Variants in FRY observed in about 807,000 individuals in gnomAD.
FRY encodes the protein protein furry homolog.
A neutral mutation model predicts 348.4 loss-of-function variants in FRY; 128 were observed. That is an observed-to-expected ratio of 0.37 (90% CI 0.32 to 0.43). The LOEUF is 0.43. Among genes scored for constraint, FRY ranks in the 20% least tolerant of loss-of-function variants. FRY has a pLI of 1.00. For synonymous variants in FRY, 1,370 were observed against 1,374.7 expected (o/e 1.00, Z 0.08); for missense variants, 2,736 against 3,695.2 (o/e 0.74, Z 6.73).
At chr13:32,062,603 A>G (rs1034726159) in intron 1 of FRY, among the ~76,000 whole-genome samples, 9 of 152,210 alleles carry the variant, frequency 5.9e-5, no homozygotes, top group Non-Finnish European at 1.3e-4. Context: ...GTACATTTCC[A>G]TAACTAAGAA....
intron 2 of FRY, among the ~76,000 whole-genome samples, chr13:32,100,690 T>C (rs886979267): frequency 6.6e-6 from 1 of 152,212 alleles, no homozygotes; most frequent in Non-Finnish European, 1.5e-5. Flanking sequence ...CAGGCTGCTA[T>C]AACAAATTAC....
At chr13:32,063,778 C>T (rs1874082295) in intron 1 of FRY, among the ~76,000 whole-genome samples, 1 of 152,200 alleles carries the variant, frequency 6.6e-6, no homozygotes, top group Non-Finnish European at 1.5e-5. Flanking sequence ...AAATGACATA[C>T]TGTCATCCTT....
intron 55 of FRY, among the ~76,000 whole-genome samples, chr13:32,268,513 T>A (rs1228165271): frequency 0.024 from 680 of 28,650 alleles, 10 homozygotes; most frequent in African/African-American, 0.049. Context: ...AAAATATATA[T>A]ATATATATAT....
intron 42 of FRY, 130 bp from the exon 43 acceptor site, chr13:32,235,948 C>T (rs1391158911): frequency 4.0e-6 from 3 of 759,378 alleles, no homozygotes; most frequent in Non-Finnish European, 6.9e-6. Context: ...GCCCTTAAAG[C>T]TTATTTTAGA....
chr13:32,263,473 CA>C (rs1287228194), intron 53 of FRY, among the ~76,000 whole-genome samples: 1 of 151,936 alleles, frequency 6.6e-6, no homozygotes, highest in East Asian at 1.9e-4. Context: ...TGCCTCATTG[CA>C]AAGGTACTAC....
chr13:32,271,964 A>G (rs1198672402), intron 55 of FRY, among the ~76,000 whole-genome samples: 1 of 152,198 alleles, frequency 6.6e-6, no homozygotes, highest in Non-Finnish European at 1.5e-5. Context: ...TTTCATCAAT[A>G]TATTAAATCA....
chr13:32,047,601 A>C (rs1873098168), intron 1 of FRY, among the ~76,000 whole-genome samples: 5 of 135,150 alleles, frequency 3.7e-5, no homozygotes, highest in African/African-American at 2.6e-5. Context: ...GCAGAGTTTC[A>C]CTCTTGTTGC....
In FRY at chr13:32,081,031, TAACTC is replaced by T. The variant is rs1178459615; in HGVS notation, c.270+2000_270+2004del. ...AGTTTGGATTTAACATTTTCCCTCT[TAACTC>T]AGGTTGGAATTTGTTTGCGTGGAGT... On this transcript the variant is annotated intron_variant, in intron 2 of 60. Coordinates refer to ENST00000542859, the MANE Select transcript of FRY (RefSeq NM_023037.3). Among the ~76,000 whole-genome samples the T allele has an allele frequency of 2.6e-5, 4 of 152,358 alleles. No homozygotes were observed. The East Asian group carries it at 5.8e-4, about 22-fold the overall frequency.
At chr13:32,118,348 A>T (rs1878441550) in intron 4 of FRY, among the ~76,000 whole-genome samples, 1 of 152,194 alleles carries the variant, frequency 6.6e-6, no homozygotes, top group African/African-American at 2.4e-5. Flanking sequence ...TCAACCAGAA[A>T]ATCAGACATT....
chr13:32,224,381 C>A lies in FRY; in HGVS notation c.4912C>A (p.His1638Asn), dbSNP rs762676236. Residue 1638 changes from histidine to asparagine, a missense_variant, in exon 37 of 61, where the codon CAC becomes AAC. His to Asn is a moderately conservative substitution (Grantham distance 68, BLOSUM62 1). Coordinates refer to ENST00000542859, the MANE Select transcript of FRY (RefSeq NM_023037.3). ...GACCATCACTCCCCGGGGGCCACTC[C>A]ACAGGTGAGCAGCATGTGTGGGGAG... is the stretch of plus-strand genomic sequence containing the variant. ...PETITPRGPL[H>N]RCNIAVIFMT... 4.3e-6 allele frequency: 7 copies of A among 1,613,770 alleles called. No individual in the cohort carries two copies. In the South Asian group the frequency reaches 6.6e-5, roughly 15 times the overall value.
At position 32,244,063 on chromosome 13, in the gene FRY, A is replaced by G. The variant is rs2138481576; in HGVS notation, c.6709A>G (p.Ser2237Gly). The change falls in exon 47 of 61, where the codon AGT (serine) becomes GGT (glycine). Residue 2237 changes from serine (S) to glycine (G), a missense_variant. Physicochemically the swap from Ser to Gly is moderately conservative, Grantham distance 56 (BLOSUM62 0). Coordinates refer to ENST00000542859, the MANE Select transcript of FRY (RefSeq NM_023037.3). ...LAELLEKGLP[S>G]VQQPLLQVIY... ...ACAGCTGCTGGAGAAGGGCCTCCCT[A>G]GTGTGCAGCAGCCCCTGCTCCAGGT... The G allele has an allele frequency of 1.2e-6, 2 of 1,613,938 alleles. No individual in the cohort carries two copies. Among genetic ancestry groups the G allele is most frequent in the East Asian group, 4.5e-5 (2 of 44,902 alleles).
In FRY at chr13:32,208,864, C is replaced by A; in HGVS notation, c.4030C>A (p.Arg1344=). ...GCAATTCTCTTTAGAGGTAAGCCAG[C>A]GATTCCCCACAACACACCCCAACGG... The part of the protein sequence containing the change: ...TLPLFSEVSQ[R]FPTTHPNGRQ... Residue 1344 remains arginine (R), a synonymous_variant, in exon 32 of 61, where the codon CGA becomes AGA. Transcript: ENST00000542859. The A allele has an allele frequency of 1.9e-6, 3 of 1,614,030 alleles. No homozygotes were observed. The highest frequency in any genetic ancestry group is 2.5e-6 in the Non-Finnish European group (3 of 1,179,936).
rs74046719 is a variant in FRY at position 32,119,986 on chromosome 13, A to G, written c.464+2513A>G. Among the ~76,000 whole-genome samples the G allele has an allele frequency of 8.9e-3, 1,351 of 152,300 alleles. 22 individuals carry two copies. Among genetic ancestry groups the G allele is most frequent in the African/African-American group, 0.031 (1,282 of 41,548 alleles). On this transcript the variant is annotated intron_variant, in intron 4 of 60. Transcript: ENST00000542859. ...CAGAGCACTCCAGAAGGTCTTCTTT[A>G]TATCTTAAATATCACATTATTTTCT...
chr13:32,153,124 T>C (rs1238850074), intron 14 of FRY, among the ~76,000 whole-genome samples: 1 of 152,166 alleles, frequency 6.6e-6, no homozygotes, highest in Non-Finnish European at 1.5e-5. Context: ...GTACAACCAC[T>C]TTAGAAAAAT....
chr13:32,186,854 G>C (rs1487274985), intron 27 of FRY, among the ~76,000 whole-genome samples: 1 of 151,978 alleles, frequency 6.6e-6, no homozygotes, highest in Non-Finnish European at 1.5e-5. Flanking sequence ...ATTTCCTTCA[G>C]AAAACTAACT....
chr13:32,238,198 G>C (rs1305220776), intron 44 of FRY, among the ~76,000 whole-genome samples: 58 of 151,996 alleles, frequency 3.8e-4, no homozygotes, highest in Non-Finnish European at 4.4e-5. Context: ...GCATAAAAGG[G>C]GCCAAAATTA....
chr13:32,133,764 C>CTTTTTTTTTTTTTTTT (rs1259372646), intron 8 of FRY, among the ~76,000 whole-genome samples: 4 of 108,482 alleles, frequency 3.7e-5, no homozygotes, highest in Non-Finnish European at 7.9e-5. Flanking sequence ...TTCTTTCTTT[C>CTTTTTTTTTTTTTTTT]TTTCTTTTTT....
chr13:32,140,679 G>T (rs1880009179), intron 11 of FRY, among the ~76,000 whole-genome samples: 1 of 152,180 alleles, frequency 6.6e-6, no homozygotes, highest in African/African-American at 2.4e-5. Context: ...GGGAAGGCAG[G>T]CAAGGGAGGT....
At chr13:32,168,992 G>A (rs1881904115) in intron 17 of FRY, among the ~76,000 whole-genome samples, 1 of 152,148 alleles carries the variant, frequency 6.6e-6, no homozygotes. Context: ...TGTTAACTTT[G>A]AGCAAATTCC....
Sources: gnomAD v4.1 joint callset for allele counts (sites outside exome capture counted in the v4.1 genomes callset) on GRCh38, gnomAD v4.1.1 for gene constraint, MANE v1.5 for transcripts, NCBI Gene and HGNC (gene_info 2026-07-23, HGNC 2026-07-21) for gene names.